LRRIQ3: variants seen among roughly 807,000 people sequenced by gnomAD.
LRRIQ3 encodes leucine rich repeats and IQ motif containing 3, also known as leucine-rich repeat and IQ domain-containing protein 3.
A neutral mutation model predicts 59.3 loss-of-function variants in LRRIQ3; 75 were observed. The observed-to-expected ratio is 1.26, with a 90% CI of 1.05 to 1.53. LRRIQ3 has a LOEUF of 1.53. Among genes scored for constraint, LRRIQ3 ranks in the 40% most tolerant of loss-of-function variants. The pLI is 0.00. For synonymous variants in LRRIQ3, 250 were observed against 231.3 expected (o/e 1.08, Z -0.73); for missense variants, 831 against 710.0 (o/e 1.17, Z -1.94).
At chr1:74,099,273 A>C (rs1646495766) in intron 5 of LRRIQ3, among the ~76,000 whole-genome samples, 1 of 152,180 alleles carries the variant, frequency 6.6e-6, no homozygotes, top group Non-Finnish European at 1.5e-5. Flanking sequence ...GAATACTATA[A>C]ACACCTCTAC....
intron 7 of LRRIQ3, among the ~76,000 whole-genome samples, chr1:74,039,728 G>A (rs530804494): frequency 1.3e-5 from 2 of 152,256 alleles, no homozygotes; most frequent in African/African-American, 4.8e-5. Context: ...TTCCAGACAA[G>A]CAAATGCTGA....
intron 4 of LRRIQ3, among the ~76,000 whole-genome samples, chr1:74,129,036 G>C (rs1253304604): frequency 6.6e-6 from 1 of 152,018 alleles, no homozygotes; most frequent in Admixed American, 6.6e-5. Context: ...ACCACCACTG[G>C]AACTGTGCTA....
At chr1:74,149,895 T>C (rs541005164) in intron 4 of LRRIQ3, among the ~76,000 whole-genome samples, 4 of 152,178 alleles carry the variant, frequency 2.6e-5, no homozygotes, top group Non-Finnish European at 5.9e-5. Context: ...CTTAAAACAG[T>C]AGCCAAATTT....
intron 3 of LRRIQ3, among the ~76,000 whole-genome samples, chr1:74,167,630 G>C (rs976020903): frequency 6.6e-6 from 1 of 151,774 alleles, no homozygotes; most frequent in Non-Finnish European, 1.5e-5. Context: ...GGCTGGGGGT[G>C]AGAGATAAAA....
chr1:74,170,801 T>C (rs2100698771), intron 3 of LRRIQ3, among the ~76,000 whole-genome samples: 1 of 152,280 alleles, frequency 6.6e-6, no homozygotes, highest in East Asian at 1.9e-4. Flanking sequence ...TTTTAGTCCA[T>C]GAACCCAGGA....
intron 4 of LRRIQ3, among the ~76,000 whole-genome samples, chr1:74,120,195 G>A (rs1025756373): frequency 2.0e-5 from 3 of 151,078 alleles, no homozygotes; most frequent in African/African-American, 7.3e-5. Flanking sequence ...TCGGCTCACT[G>A]CAACCTCCGC....
At chr1:74,035,276 TAGA>T (rs1463528151) in intron 7 of LRRIQ3, among the ~76,000 whole-genome samples, 1 of 151,364 alleles carries the variant, frequency 6.6e-6, no homozygotes, top group African/African-American at 2.5e-5. Context: ...AATATAGACA[TAGA>T]AGTAGACATA....
intron 5 of LRRIQ3, among the ~76,000 whole-genome samples, chr1:74,088,515 T>A (rs1400958178): frequency 2.0e-5 from 3 of 151,978 alleles, no homozygotes; most frequent in Non-Finnish European, 4.4e-5. Context: ...CAGGAATAAA[T>A]CCTTCAATAT....
chr1:74,189,351 T>A (rs1650608672), intron 1 of LRRIQ3, among the ~76,000 whole-genome samples: 1 of 152,140 alleles, frequency 6.6e-6, no homozygotes, highest in Admixed American at 6.6e-5. Context: ...ATTTTATTTT[T>A]CAAGCACCCT....
chr1:74,045,803 C>G (rs1225296017), intron 6 of LRRIQ3, among the ~76,000 whole-genome samples: 1 of 151,988 alleles, frequency 6.6e-6, no homozygotes, highest in African/African-American at 2.4e-5. Flanking sequence ...CACAAGTACT[C>G]CTATATACCA....
At chr1:74,116,002 G>A (rs1251077610) in intron 4 of LRRIQ3, among the ~76,000 whole-genome samples, 2 of 151,664 alleles carry the variant, frequency 1.3e-5, no homozygotes, top group African/African-American at 4.8e-5. Flanking sequence ...ATATAAATGA[G>A]GACATTATTC....
chr1:74,183,529 AAG>A lies in LRRIQ3; in HGVS notation c.154_155del (p.Leu52Ter), dbSNP rs1650147277. The A allele has an allele frequency of 6.2e-7, 1 of 1,611,882 alleles. No homozygotes were observed. The highest frequency in any genetic ancestry group is 8.5e-7 in the Non-Finnish European group (1 of 1,178,652). ...SMENLQSCIS[L>X]RVCIFSNNFI... ...AATTGTTTGAGAAGATGCATACTCTAAGAGAGATGCAAGACTGCAAATTTTCC... is the reference window on the plus strand; with the variant it reads ...AATTGTTTGAGAAGATGCATACTCTAAGAGATGCAAGACTGCAAATTTTCC... On this transcript the variant is annotated frameshift_variant, in exon 2 of 8. Transcript: ENST00000354431. LOFTEE classifies it high-confidence loss of function.
At chr1:74,082,450 T>C (rs777247280) in intron 5 of LRRIQ3, 1 of 151,624 alleles carries the variant, frequency 6.6e-6, no homozygotes, top group East Asian at 1.9e-4. Context: ...TAAAATTTAA[T>C]GATGGGCAAT....
At chr1:74,096,803 T>TG (rs1646455000) in intron 5 of LRRIQ3, among the ~76,000 whole-genome samples, 1 of 152,188 alleles carries the variant, frequency 6.6e-6, no homozygotes, top group Admixed American at 6.5e-5. Context: ...TGGAGTTTGC[T>TG]GGAGGTCCAC....
chr1:74,158,597 T>C (rs941079206), intron 3 of LRRIQ3, among the ~76,000 whole-genome samples: 1 of 152,164 alleles, frequency 6.6e-6, no homozygotes, highest in African/African-American at 2.4e-5. Context: ...TATTATCCTG[T>C]GTCGTGTGAA....
intron 3 of LRRIQ3, among the ~76,000 whole-genome samples, chr1:74,178,606 T>C (rs576059391): frequency 6.6e-6 from 1 of 152,316 alleles, no homozygotes; most frequent in East Asian, 1.9e-4. Flanking sequence ...TATCAATTTG[T>C]TTTTCTCTGT....
At chr1:74,114,683 A>T (rs1050718782) in intron 4 of LRRIQ3, among the ~76,000 whole-genome samples, 1 of 151,846 alleles carries the variant, frequency 6.6e-6, no homozygotes, top group African/African-American at 2.4e-5. Flanking sequence ...TTCAGTGAGC[A>T]GAGACGGAGC....
At chr1:74,159,728 TCTTA>T (rs1480400677) in intron 3 of LRRIQ3, among the ~76,000 whole-genome samples, 7 of 152,132 alleles carry the variant, frequency 4.6e-5, no homozygotes, top group Admixed American at 2.6e-4. Context: ...AGACATTCTT[TCTTA>T]AATTACAGGC....
rs10567002 is a variant in LRRIQ3 at position 74,034,635 on chromosome 1, G to GACAC, written c.1718+6574_1718+6577dup. Among the ~76,000 whole-genome samples, 248 of 146,978 alleles carry GACAC rather than the reference G, an allele frequency of 1.7e-3. 2 individuals carry two copies. Among genetic ancestry groups the GACAC allele is most frequent in the African/African-American group, 6.0e-3 (241 of 40,140 alleles). On this transcript the variant is annotated intron_variant, in intron 7 of 7. Coordinates refer to ENST00000354431, the MANE Select transcript of LRRIQ3 (RefSeq NM_001105659.2). ...AGGAAATATTTCCAAAGCACACACA[G>GACAC]ACACACACACACACACACACACACA... is the stretch of plus-strand genomic sequence containing the variant.
Sources: allele counts gnomAD v4.1 joint callset (sites outside exome capture counted in the v4.1 genomes callset), GRCh38; gene constraint gnomAD v4.1.1; transcripts MANE v1.5; gene names NCBI Gene and HGNC (gene_info 2026-07-23, HGNC 2026-07-21).